Variants in GSDMC observed in about 807,000 individuals in gnomAD.
GSDMC encodes gasdermin C.
A neutral mutation model predicts 58.0 loss-of-function variants in GSDMC; 59 were observed. The ratio of observed to expected loss-of-function variants is 1.02; its 90% CI spans 0.82 to 1.26. The LOEUF is 1.26. GSDMC is among the 50% of genes most tolerant of loss of function. GSDMC has a pLI of 0.00. For synonymous variants in GSDMC, 241 were observed against 220.2 expected (o/e 1.09, Z -0.83); for missense variants, 659 against 598.5 (o/e 1.10, Z -1.06).
At chr8:129,731,512 T>TAA in the GSDMC span, among the ~76,000 whole-genome samples, 1 of 152,222 alleles carries the variant, frequency 6.6e-6, no homozygotes, top group Non-Finnish European at 1.5e-5. Flanking sequence ...TGATTATTAT[T>TAA]AAGTCTAACA....
Position 129,777,431 on chromosome 8 carries a change from AT to A in GSDMC, c.156del (p.Gln52HisfsTer22), listed in dbSNP as rs757415324. 6.2e-7 allele frequency: 1 copy of A among 1,613,514 alleles called. No individual in the cohort carries two copies. Among genetic ancestry groups the A allele is most frequent in the African/African-American group, 1.3e-5 (1 of 74,926 alleles). ...GAGAATTCAACTGGAACATAGTCAG[AT>A]TGTTCCCAAAATGATGAACGAGAAT... is the stretch of plus-strand genomic sequence containing the variant. The part of the protein sequence containing the change: ...KKDSRSSFWE[Q>X]SDYVPVEFSL... On this transcript the variant is annotated frameshift_variant, in exon 2 of 14. Transcript: ENST00000276708. LOFTEE classifies it high-confidence loss of function.
At position 129,769,244 on chromosome 8, in the gene GSDMC, G is replaced by A. The variant is rs202051259; in HGVS notation, c.405-3451C>T. 2.0e-4 allele frequency among the ~76,000 whole-genome samples: 31 copies of A among 152,196 alleles called. No individual in the cohort carries two copies. The East Asian group carries it at 4.8e-3, about 24-fold the overall frequency. On this transcript the variant is annotated intron_variant, in intron 3 of 13. Coordinates refer to ENST00000276708, the MANE Select transcript of GSDMC (RefSeq NM_031415.3). ...ACACGTTATAATTAAATTATCAAAA[G>A]TCAAAGATAAAGAGAAAATATTGAG... is the stretch of plus-strand genomic sequence containing the variant.
chr8:129,784,306 A>G (rs1290237640), intron 1 of GSDMC, among the ~76,000 whole-genome samples: 4 of 152,168 alleles, frequency 2.6e-5, no homozygotes, highest in Non-Finnish European at 5.9e-5. Flanking sequence ...GAAAAAGAGA[A>G]CCCACAGAAT....
At chr8:129,723,555 C>T in the GSDMC span, among the ~76,000 whole-genome samples, 3 of 151,996 alleles carry the variant, frequency 2.0e-5, no homozygotes, top group African/African-American at 4.8e-5. Context: ...CATGAGCCAC[C>T]GCGCCTGGCC....
At chr8:129,734,991 GCA>G in the GSDMC span, among the ~76,000 whole-genome samples, 1 of 152,098 alleles carries the variant, frequency 6.6e-6, no homozygotes, top group African/African-American at 2.4e-5. Flanking sequence ...GCAAAAAAAA[GCA>G]GGGGTTGCAA....
At chr8:129,778,603 G>C (rs2130565140) in intron 1 of GSDMC, among the ~76,000 whole-genome samples, 1 of 152,218 alleles carries the variant, frequency 6.6e-6, no homozygotes, top group East Asian at 1.9e-4. Context: ...AGCAAAAATT[G>C]ATAAATGAGA....
the GSDMC span, chr8:129,730,069 T>C: frequency 9.0e-7 from 1 of 1,106,144 alleles, no homozygotes; most frequent in African/African-American, 1.5e-5. Flanking sequence ...GTAAAGAAGA[T>C]TTTTCTATTA....
downstream of GSDMC, among the ~76,000 whole-genome samples, chr8:129,743,654 T>A (rs76072618): frequency 0.013 from 2,006 of 152,312 alleles, 42 homozygotes; most frequent in African/African-American, 0.047. Flanking sequence ...CATTATTGAA[T>A]GTGTCTGGAT....
chr8:129,744,779 C>CTTGT (rs1490004566), downstream of GSDMC, among the ~76,000 whole-genome samples: 1 of 152,156 alleles, frequency 6.6e-6, no homozygotes, highest in Non-Finnish European at 1.5e-5. Context: ...TGCTTACATC[C>CTTGT]CCCTTGTCAT....
intron 3 of GSDMC, among the ~76,000 whole-genome samples, chr8:129,772,260 CA>C (rs1161238758): frequency 0.35 from 33,203 of 93,742 alleles, 2,463 homozygotes; most frequent in African/African-American, 0.45. Context: ...GACTCCGTCT[CA>C]AAAAAAAAAA....
At chr8:129,720,055 G>A in the GSDMC span, among the ~76,000 whole-genome samples, 4 of 152,050 alleles carry the variant, frequency 2.6e-5, no homozygotes, top group African/African-American at 4.8e-5. Context: ...TGAACAATTC[G>A]AAACAATATG....
the GSDMC span, among the ~76,000 whole-genome samples, chr8:129,725,768 C>G: frequency 6.6e-6 from 1 of 152,086 alleles, no homozygotes; most frequent in African/African-American, 2.4e-5. Flanking sequence ...CAATCCAATG[C>G]GCTGGGGAAA....
At chr8:129,771,888 A>C (rs1209137764) in intron 3 of GSDMC, among the ~76,000 whole-genome samples, 2 of 152,354 alleles carry the variant, frequency 1.3e-5, no homozygotes, top group Admixed American at 1.3e-4. Context: ...AAGCAGTTCT[A>C]AGAGGAAAGT....
At position 129,750,074 on chromosome 8, in the gene GSDMC, T is replaced by G; in HGVS notation, c.1129A>C (p.Ile377Leu). The G allele has an allele frequency of 6.2e-7, 1 of 1,609,338 alleles. No individual in the cohort carries two copies. Among genetic ancestry groups the G allele is most frequent in the Non-Finnish European group, 8.5e-7 (1 of 1,177,604 alleles). The change falls in exon 12 of 14, where the codon ATC (isoleucine) becomes CTC (leucine). Residue 377 changes from isoleucine to leucine, a missense_variant. Coordinates refer to ENST00000276708, the MANE Select transcript of GSDMC (RefSeq NM_031415.3). ...SGHLDGPGGA[I>L]LKKLQQDSNH... Reference sequence around the variant, plus strand: ...GAATCCTGTTGAAGTTTCTTTAGGATGGCACCACCAGGGCCATCCAAATGA... The same window carrying G: ...GAATCCTGTTGAAGTTTCTTTAGGAGGGCACCACCAGGGCCATCCAAATGA...
At chr8:129,775,787 C>T (rs1347516670) in intron 3 of GSDMC, among the ~76,000 whole-genome samples, 4 of 152,144 alleles carry the variant, frequency 2.6e-5, no homozygotes, top group Non-Finnish European at 5.9e-5. Context: ...TTCTTACTCC[C>T]TGCCCATCCC....
the GSDMC span, chr8:129,730,015 G>T: frequency 7.3e-7 from 1 of 1,376,980 alleles, no homozygotes; most frequent in South Asian, 1.3e-5. Context: ...TCCAACGGAA[G>T]AAGAAAAAGG....
intron 1 of GSDMC, among the ~76,000 whole-genome samples, 189 bp downstream of exon 1, chr8:129,785,822 G>A (rs1055414057): frequency 4.0e-5 from 6 of 151,670 alleles, no homozygotes; most frequent in Admixed American, 1.3e-4. Flanking sequence ...ATAATGTATC[G>A]AAGATATATT....
chr8:129,747,269 A>G (rs1363242204), downstream of GSDMC, among the ~76,000 whole-genome samples: 1 of 152,030 alleles, frequency 6.6e-6, no homozygotes, highest in Non-Finnish European at 1.5e-5. Context: ...AAAAAAAAAA[A>G]AATTTGATAA....
In GSDMC at chr8:129,750,128, G is replaced by T. The variant is rs775589193; in HGVS notation, c.1084-9C>A. 6.5e-7 allele frequency: 1 copy of T among 1,549,780 alleles called. No individual in the cohort carries two copies. Among genetic ancestry groups the T allele is most frequent in the Non-Finnish European group, 8.7e-7 (1 of 1,151,594 alleles). On this transcript the variant is annotated splice_polypyrimidine_tract_variant and intron_variant, in intron 11 of 13. Transcript: ENST00000276708. ...GAGCTGTCCAATTCCAGCTATAGAAGACAGGTATTATTGTTAATAATAATA... is the reference window on the plus strand; with the variant it reads ...GAGCTGTCCAATTCCAGCTATAGAATACAGGTATTATTGTTAATAATAATA...
Sources: allele counts gnomAD v4.1 joint callset (sites outside exome capture counted in the v4.1 genomes callset), GRCh38; gene constraint gnomAD v4.1.1; transcripts MANE v1.5; gene names NCBI Gene and HGNC (gene_info 2026-07-23, HGNC 2026-07-21).